ZMAT4: variants seen among roughly 807,000 people sequenced by gnomAD.
ZMAT4 encodes the protein zinc finger matrin-type 4.
Under a neutral mutation model 28.7 loss-of-function variants are expected in ZMAT4, and 17 were observed. The ratio of observed to expected loss-of-function variants is 0.59; its 90% confidence interval spans 0.41 to 0.89. The LOEUF (loss-of-function observed/expected upper bound fraction) is 0.89, where lower values mean the gene tolerates loss of function less well. Among genes scored for constraint, ZMAT4 ranks in the 40% least tolerant of loss-of-function variants. The pLI is 0.00. For missense variants in ZMAT4, 240 were observed against 283.8 expected (o/e 0.85, Z 1.11); for synonymous variants, 117 against 109.2 (o/e 1.07, Z -0.44).
chr8:40,613,304 G>A (rs1243961752), intron 5 of ZMAT4, among the ~76,000 whole-genome samples: 9 of 143,516 alleles, frequency 6.3e-5, no homozygotes, highest in South Asian at 2.3e-4. Flanking sequence ...TGACTCAGTC[G>A]TTTGAGTAGC....
intron 2 of ZMAT4, among the ~76,000 whole-genome samples, chr8:40,806,023 A>G (rs114247568): frequency 9.2e-5 from 14 of 152,314 alleles, no homozygotes; most frequent in African/African-American, 3.4e-4. Flanking sequence ...ATCTCATCTT[A>G]TTCTAGAAAA....
In ZMAT4 at chr8:40,786,554, T is replaced by C. The variant is rs970159233; in HGVS notation, c.103-18824A>G. The C allele has an allele frequency of 2.0e-5, 10 of 505,474 alleles. No homozygotes were observed. In the Admixed American group the frequency reaches 3.9e-4, roughly 20 times the overall value. 31.3% of individuals were successfully genotyped at this position (505,474 alleles called of 1,614,324 possible). A position where few individuals can be genotyped will look rare whatever the true frequency, so the allele number is the denominator to read the frequency against. ...TAATCTGGAATGTGAAGTATTTTGG[T>C]TGAGTTATTGCTACCAAAACAAAGA... On this transcript the variant is annotated intron_variant, in intron 2 of 6. Coordinates refer to ENST00000297737, the MANE Select transcript of ZMAT4 (RefSeq NM_024645.3).
intron 3 of ZMAT4, among the ~76,000 whole-genome samples, chr8:40,728,961 G>T (rs1445982026): frequency 2.0e-5 from 3 of 152,106 alleles, no homozygotes; most frequent in Non-Finnish European, 4.4e-5. Flanking sequence ...TTTGTGTTTG[G>T]CTTCTAGCAC....
intron 5 of ZMAT4, among the ~76,000 whole-genome samples, chr8:40,629,151 C>T (rs1806482371): frequency 6.6e-6 from 1 of 151,612 alleles, no homozygotes. Context: ...TTTCCATCAG[C>T]CTCTTTTATT....
At chr8:40,597,022 T>A (rs1563357394) in intron 5 of ZMAT4, among the ~76,000 whole-genome samples, 1 of 152,122 alleles carries the variant, frequency 6.6e-6, no homozygotes, top group Non-Finnish European at 1.5e-5. Context: ...ATAAAGAAAA[T>A]CCAGAATGAG....
At chr8:40,717,240 C>T (rs1441160028) in intron 3 of ZMAT4, among the ~76,000 whole-genome samples, 2 of 152,188 alleles carry the variant, frequency 1.3e-5, no homozygotes, top group Non-Finnish European at 2.9e-5. Flanking sequence ...TTCCACTCAC[C>T]ATTTAATAAG....
Position 40,756,198 on chromosome 8 carries a change from C to T in ZMAT4, c.192+11443G>A, listed in dbSNP as rs577851996. Reference sequence around the variant, plus strand: ...CTGGCATACAGAGCAGACTCTCAAACATCAAGTTCTGTGTATTTGTCTTAA... The same window carrying T: ...CTGGCATACAGAGCAGACTCTCAAATATCAAGTTCTGTGTATTTGTCTTAA... On this transcript the variant is annotated intron_variant, in intron 3 of 6. Coordinates refer to ENST00000297737, the MANE Select transcript of ZMAT4 (RefSeq NM_024645.3). Among the ~76,000 whole-genome samples, 6 of 151,928 alleles carry T rather than the reference C, an allele frequency of 3.9e-5. No individual in the cohort carries two copies. The South Asian group carries it at 6.2e-4, about 16-fold the overall frequency.
chr8:40,827,799 C>A (rs927401189), intron 1 of ZMAT4, among the ~76,000 whole-genome samples: 10 of 152,212 alleles, frequency 6.6e-5, no homozygotes, highest in Non-Finnish European at 1.2e-4. Flanking sequence ...CCTCCTCCCC[C>A]ACAAGGCAAC....
In ZMAT4 at chr8:40,689,387, T is replaced by A. The variant is rs539904445; in HGVS notation, c.349+7858A>T. On this transcript the variant is annotated intron_variant, in intron 4 of 6. Coordinates refer to ENST00000297737, the MANE Select transcript of ZMAT4 (RefSeq NM_024645.3). ...AACCTTCAGGGTCAGAGAACAGAAG[T>A]AATTTACATGAATTTAGAAAATATT... is the stretch of plus-strand genomic sequence containing the variant. Among the ~76,000 whole-genome samples the A allele has an allele frequency of 5.3e-5, 8 of 152,352 alleles. No individual in the cohort carries two copies. The East Asian group carries it at 1.2e-3, about 22-fold the overall frequency.
At chr8:40,759,084 C>G (rs1348782166) in intron 3 of ZMAT4, among the ~76,000 whole-genome samples, 1 of 151,890 alleles carries the variant, frequency 6.6e-6, no homozygotes, top group African/African-American at 2.4e-5. Flanking sequence ...GAGTTCGAGA[C>G]CAGCCTGACC....
At chr8:40,825,713 T>A (rs899262843) in intron 1 of ZMAT4, 33 bp from the exon 2 acceptor site, 1 of 1,499,610 alleles carries the variant, frequency 6.7e-7, no homozygotes, top group Non-Finnish European at 9.1e-7. Flanking sequence ...GAAAAATGAG[T>A]CCACTGCTTT....
intron 3 of ZMAT4, among the ~76,000 whole-genome samples, chr8:40,755,577 C>T (rs1306344862): frequency 2.6e-5 from 4 of 152,018 alleles, no homozygotes; most frequent in Admixed American, 6.6e-5. Context: ...CTCAGCCTCC[C>T]GGGAAGCTGG....
chr8:40,695,629 G>A (rs4291254), intron 4 of ZMAT4, among the ~76,000 whole-genome samples: 148,419 of 152,336 alleles, frequency 0.97, 72,413 homozygotes, highest in East Asian at 1. Flanking sequence ...CCTTTGGAAT[G>A]TATTGATGAT....
intron 3 of ZMAT4, among the ~76,000 whole-genome samples, chr8:40,716,792 T>G (rs1810876595): frequency 6.6e-6 from 1 of 152,004 alleles, no homozygotes. Flanking sequence ...TCCACGGAGG[T>G]TTCTAAAAGC....
chr8:40,872,759 G>C (rs564174308), intron 1 of ZMAT4, among the ~76,000 whole-genome samples: 1 of 152,138 alleles, frequency 6.6e-6, no homozygotes, highest in East Asian at 1.9e-4. Context: ...TTGAACTCGG[G>C]GGGATGGTTG....
intron 2 of ZMAT4, chr8:40,786,634 T>G: frequency 8.4e-7 from 1 of 1,192,288 alleles, no homozygotes. Context: ...CATCTCCTTC[T>G]GTGAACATCC....
intron 5 of ZMAT4, among the ~76,000 whole-genome samples, chr8:40,618,554 A>G (rs1361620047): frequency 6.6e-6 from 1 of 152,162 alleles, no homozygotes; most frequent in Non-Finnish European, 1.5e-5. Flanking sequence ...GTTTTTAATC[A>G]TCTTTTGATA....
intron 1 of ZMAT4, among the ~76,000 whole-genome samples, chr8:40,866,749 C>T (rs1413187228): frequency 1.3e-5 from 2 of 152,102 alleles, no homozygotes; most frequent in African/African-American, 2.4e-5. Context: ...GGGGAGTCCT[C>T]GAGTAAGAAA....
intron 5 of ZMAT4, among the ~76,000 whole-genome samples, chr8:40,648,320 A>T (rs372552417): frequency 1.3e-5 from 2 of 151,122 alleles, no homozygotes; most frequent in Non-Finnish European, 3.0e-5. Flanking sequence ...AAGAAAGGGT[A>T]TCAGCAATGG....
Sources: allele counts gnomAD v4.1 joint callset (sites outside exome capture counted in the v4.1 genomes callset), GRCh38; gene constraint gnomAD v4.1.1; transcripts MANE v1.5; gene names NCBI Gene and HGNC (gene_info 2026-07-23, HGNC 2026-07-21).